SNX29: variants seen among roughly 807,000 people sequenced by gnomAD.
The protein encoded by SNX29 is sorting nexin-29.
Under a neutral mutation model 102.1 loss-of-function variants are expected in SNX29, and 78 were observed. That is an observed-to-expected ratio of 0.76 (90% CI 0.64 to 0.92). The LOEUF is 0.92. SNX29 is among the 40% of genes least tolerant of loss of function. The pLI is 0.00. For missense variants in SNX29, 1,280 were observed against 1,061.7 expected, an observed-to-expected ratio of 1.21 and a Z score of -2.86; for synonymous variants, 580 against 414.5, an observed-to-expected ratio of 1.40 and a Z score of -4.85.
At chr16:12,477,587 CTGGGCATCCAG>C in intron 18 of SNX29, 121 bp from the exon 19 acceptor site, 1 of 1,033,416 alleles carries the variant, frequency 9.7e-7, no homozygotes, top group Non-Finnish European at 1.4e-6. Context: ...ATGCCAGGAA[CTGGGCATCCAG>C]TGGTGTGTGA....
At chr16:12,487,017 A>G (rs896708781) in intron 19 of SNX29, among the ~76,000 whole-genome samples, 3 of 152,230 alleles carry the variant, frequency 2.0e-5, no homozygotes, top group Admixed American at 6.5e-5. Context: ...TTAAGGCTGT[A>G]CTATCTGTGT....
chr16:11,990,851 C>T (rs150124670), intron 1 of SNX29, among the ~76,000 whole-genome samples: 270 of 152,266 alleles, frequency 1.8e-3, no homozygotes, highest in Non-Finnish European at 3.0e-3. Context: ...CTACAAACTC[C>T]GACACTATTG....
chr16:12,129,979 C>T (rs1452965581), intron 13 of SNX29, among the ~76,000 whole-genome samples: 1 of 150,910 alleles, frequency 6.6e-6, no homozygotes, highest in African/African-American at 2.4e-5. Flanking sequence ...TGGCGGGTGC[C>T]TGTAGTCCCA....
intron 20 of SNX29, among the ~76,000 whole-genome samples, chr16:12,563,806 T>C (rs1283268743): frequency 2.0e-5 from 3 of 152,178 alleles, no homozygotes; most frequent in African/African-American, 7.2e-5. Flanking sequence ...CACCCACCCA[T>C]TTGCTGCTTT....
At chr16:12,263,525 A>G (rs189519568) in intron 14 of SNX29, among the ~76,000 whole-genome samples, 2 of 152,312 alleles carry the variant, frequency 1.3e-5, no homozygotes, top group East Asian at 1.9e-4. Flanking sequence ...GTTGGGATTT[A>G]TACTCTATCC....
chr16:12,282,962 T>A (rs2079482949), intron 15 of SNX29, among the ~76,000 whole-genome samples: 1 of 152,066 alleles, frequency 6.6e-6, no homozygotes, highest in South Asian at 2.1e-4. Flanking sequence ...CGGCCCACAG[T>A]TAAGTCTTAA....
At chr16:12,392,072 A>G (rs1483208437) in intron 16 of SNX29, among the ~76,000 whole-genome samples, 2 of 152,216 alleles carry the variant, frequency 1.3e-5, no homozygotes, top group East Asian at 3.8e-4. Flanking sequence ...GCATATAGAC[A>G]CGTGTGTCTC....
chr16:12,502,907 G>C (rs1036532523), intron 19 of SNX29, among the ~76,000 whole-genome samples: 54 of 152,332 alleles, frequency 3.5e-4, no homozygotes, highest in African/African-American at 1.0e-3. Context: ...AGAGCTGCCA[G>C]TAGATCTTGT....
intron 16 of SNX29, among the ~76,000 whole-genome samples, chr16:12,378,653 T>C (rs771400992): frequency 1.2e-4 from 19 of 152,216 alleles, no homozygotes; most frequent in African/African-American, 2.4e-4. Context: ...ACTTCCAACA[T>C]TGGGGGATGA....
At chr16:12,547,694 T>G (rs1380776248) in intron 20 of SNX29, among the ~76,000 whole-genome samples, 1 of 152,136 alleles carries the variant, frequency 6.6e-6, no homozygotes, top group African/African-American at 2.4e-5. Context: ...GCCCCCGCGT[T>G]CCTGTCTGGG....
chr16:12,460,441 C>T (rs538983708), intron 18 of SNX29, among the ~76,000 whole-genome samples: 41 of 152,272 alleles, frequency 2.7e-4, no homozygotes, highest in African/African-American at 9.4e-4. Flanking sequence ...AAAACTCCTT[C>T]TATATTTTTA....
intron 20 of SNX29, among the ~76,000 whole-genome samples, chr16:12,547,481 A>G (rs1443909998): frequency 6.6e-6 from 1 of 152,148 alleles, no homozygotes; most frequent in Non-Finnish European, 1.5e-5. Flanking sequence ...TTCTCAAAGT[A>G]GAACTACCAG....
intron 20 of SNX29, chr16:12,546,598 A>T (rs1231824867): frequency 6.6e-6 from 1 of 152,240 alleles, no homozygotes; most frequent in Non-Finnish European, 1.5e-5. Context: ...CAAGGATAAT[A>T]CAGGTGGAAC....
chr16:12,535,970 G>A (rs1041688291), intron 20 of SNX29, among the ~76,000 whole-genome samples: 8 of 152,164 alleles, frequency 5.3e-5, no homozygotes, highest in African/African-American at 1.2e-4. Flanking sequence ...CTTTGACCCC[G>A]GCTGAGAAAA....
intron 14 of SNX29, among the ~76,000 whole-genome samples, chr16:12,233,193 A>G (rs914325016): frequency 2.0e-5 from 3 of 152,110 alleles, no homozygotes; most frequent in Non-Finnish European, 2.9e-5. Flanking sequence ...CAGTCCAGGT[A>G]CCCATCAATG....
intron 3 of SNX29, among the ~76,000 whole-genome samples, chr16:12,024,392 C>A (rs978977918): frequency 1.3e-5 from 2 of 152,028 alleles, no homozygotes; most frequent in South Asian, 4.2e-4. Flanking sequence ...GTGATCCACC[C>A]GCCTTGGCCT....
chr16:12,394,218 T>G (rs1262008164), intron 16 of SNX29, among the ~76,000 whole-genome samples: 1 of 152,236 alleles, frequency 6.6e-6, no homozygotes, highest in East Asian at 1.9e-4. Flanking sequence ...TTTCAGATTT[T>G]CTTCACCCAT....
rs141541784 is a variant in SNX29 at position 12,196,371 on chromosome 16, G to A, written c.1596-3230G>A. On this transcript the variant is annotated intron_variant, in intron 13 of 20. Transcript: ENST00000566228. ...AATGTGAGCATGTCTGCCACACCTC[G>A]AATATTAAGTGCCCTACTCAGAGGC... 1.1e-3 allele frequency among the ~76,000 whole-genome samples: 161 copies of A among 151,132 alleles called. 1 individual carries two copies. Among genetic ancestry groups the A allele is most frequent in the Middle Eastern group, 3.4e-3 (1 of 292 alleles).
chr16:12,567,990 G>C (rs1362808005), intron 20 of SNX29, among the ~76,000 whole-genome samples: 2 of 152,090 alleles, frequency 1.3e-5, no homozygotes, highest in African/African-American at 4.8e-5. Context: ...ACTGTTCCTG[G>C]CTCTTAAACA....
Sources: gnomAD v4.1 joint callset for allele counts (sites outside exome capture counted in the v4.1 genomes callset) on GRCh38, gnomAD v4.1.1 for gene constraint, MANE v1.5 for transcripts, NCBI Gene and HGNC (gene_info 2026-07-23, HGNC 2026-07-21) for gene names.